AGPAT4: variants seen among roughly 807,000 people sequenced by gnomAD.
The protein encoded by AGPAT4 is 1-acyl-sn-glycerol-3-phosphate acyltransferase delta.
Under a neutral mutation model 48.0 loss-of-function variants are expected in AGPAT4, and 15 were observed. That is an observed-to-expected ratio of 0.31 (90% CI 0.21 to 0.48). The LOEUF (loss-of-function observed/expected upper bound fraction) is 0.48, where lower values mean the gene tolerates loss of function less well. AGPAT4 is among the 20% of genes least tolerant of loss of function. AGPAT4 has a pLI of 0.99. For synonymous variants in AGPAT4, 178 were observed against 198.7 expected (o/e 0.90, Z 0.88); for missense variants, 314 against 482.5 (o/e 0.65, Z 3.27).
intron 1 of AGPAT4, among the ~76,000 whole-genome samples, chr6:161,247,371 C>T (rs1782682196): frequency 6.6e-6 from 1 of 152,164 alleles, no homozygotes; most frequent in African/African-American, 2.4e-5. Flanking sequence ...ATTTTACCAC[C>T]TAGAACAGCT....
At chr6:161,182,453 A>T (rs1262285542) in intron 2 of AGPAT4, among the ~76,000 whole-genome samples, 2 of 128,744 alleles carry the variant, frequency 1.6e-5, no homozygotes, top group African/African-American at 3.1e-5. Context: ...TCCCAGTGTC[A>T]CCCTATCCCC....
In AGPAT4 at chr6:161,231,053, G is replaced by T. The variant is rs1782110161; in HGVS notation, c.178+983C>A. On this transcript the variant is annotated intron_variant, in intron 2 of 8. Transcript: ENST00000320285. The surrounding 1 kb of genome is among the most constrained non-coding windows in gnomAD (Gnocchi z 5.3). ...ATTGTCTTGATTCAAATTCAAATTT[G>T]ATCATTTTAAAGGGTATCAAAAATA... Among the ~76,000 whole-genome samples, 1 of 109,272 alleles carries T rather than the reference G, an allele frequency of 9.2e-6. No homozygotes were observed. Among genetic ancestry groups the T allele is most frequent in the Non-Finnish European group, 1.9e-5 (1 of 53,804 alleles). 71.7% of individuals were successfully genotyped at this position (109,272 alleles called of 152,430 possible). A position where few individuals can be genotyped will look rare whatever the true frequency, so the allele number is the denominator to read the frequency against.
chr6:161,168,422 C>G (rs1231178820), intron 2 of AGPAT4, among the ~76,000 whole-genome samples: 1 of 152,072 alleles, frequency 6.6e-6, no homozygotes, highest in African/African-American at 2.4e-5. Flanking sequence ...TGCCTAAGGC[C>G]ACTCTCACCG....
At chr6:161,260,099 C>T (rs950343115) in intron 1 of AGPAT4, among the ~76,000 whole-genome samples, 1 of 152,190 alleles carries the variant, frequency 6.6e-6, no homozygotes, top group Non-Finnish European at 1.5e-5. Context: ...CCAGCAGCCT[C>T]TCACTGCTTC....
At chr6:161,160,330 G>C (rs1191685129) in intron 3 of AGPAT4, 2 of 152,590 alleles carry the variant, frequency 1.3e-5, no homozygotes, top group African/African-American at 2.4e-5. Context: ...CTGATGCTGA[G>C]AGGAAAATGG....
chr6:161,161,776 C>T lies in AGPAT4; in HGVS notation c.348+4472G>A. 5 of 307,382 alleles carry T rather than the reference C, an allele frequency of 1.6e-5. No homozygotes were observed. The highest frequency in any genetic ancestry group is 3.2e-5 in the Non-Finnish European group (5 of 154,244). 19.0% of individuals were successfully genotyped at this position (307,382 alleles called of 1,614,324 possible). A position where few individuals can be genotyped will look rare whatever the true frequency, so the allele number is the denominator to read the frequency against. ...AGAGAAACCACACACAATCAACACT[C>T]ACTGGACACGTATTTTGAAGGTATA... is the stretch of plus-strand genomic sequence containing the variant. On this transcript the variant is annotated intron_variant, in intron 3 of 8. Transcript: ENST00000320285. This position sits in a 1 kb window ranked among gnomAD's most constrained non-coding sequence, Gnocchi z 4.6.
In AGPAT4 at chr6:161,219,697, T is replaced by C. The variant is rs1781751287; in HGVS notation, c.178+12339A>G. On this transcript the variant is annotated intron_variant, in intron 2 of 8. Coordinates refer to ENST00000320285, the MANE Select transcript of AGPAT4 (RefSeq NM_020133.3). This position sits in a 1 kb window ranked among gnomAD's most constrained non-coding sequence, Gnocchi z 4.9. ...CATTCATACAATTCAGTATCACATG[T>C]GTATTCCTAAACTTGCTGATTCTTT... Among the ~76,000 whole-genome samples the C allele has an allele frequency of 1.3e-5, 2 of 152,194 alleles. No individual in the cohort carries two copies. The highest frequency in any genetic ancestry group is 4.8e-5 in the African/African-American group (2 of 41,446).
At chr6:161,175,616 T>G (rs1460498117) in intron 2 of AGPAT4, among the ~76,000 whole-genome samples, 4 of 152,134 alleles carry the variant, frequency 2.6e-5, no homozygotes, top group African/African-American at 7.2e-5. Context: ...TTTTTAAGGG[T>G]TTTTTGTGTC....
intron 2 of AGPAT4, among the ~76,000 whole-genome samples, chr6:161,205,694 T>TGAAGGGAACTCAATTCTAA (rs11269660): frequency 5.3e-5 from 8 of 151,704 alleles, no homozygotes; most frequent in Non-Finnish European, 1.2e-4. Flanking sequence ...AACACCAAGT[T>TGAAGGGAACTCAATTCTAA]GAAACAGATC....
At chr6:161,203,858 T>C (rs1781310255) in intron 2 of AGPAT4, among the ~76,000 whole-genome samples, 1 of 152,200 alleles carries the variant, frequency 6.6e-6, no homozygotes, top group Non-Finnish European at 1.5e-5. Context: ...TTGTAGAGTT[T>C]TTGTTGGTTG....
chr6:161,173,427 C>A (rs1156853612), intron 2 of AGPAT4, among the ~76,000 whole-genome samples: 1 of 152,206 alleles, frequency 6.6e-6, no homozygotes, highest in African/African-American at 2.4e-5. Context: ...TGTCTGTTGG[C>A]TGTATAAATG....
Position 161,155,465 on chromosome 6 carries a change from C to T in AGPAT4, c.349-1155G>A, listed in dbSNP as rs951607282. On this transcript the variant is annotated intron_variant, in intron 3 of 8. Coordinates refer to ENST00000320285, the MANE Select transcript of AGPAT4 (RefSeq NM_020133.3). This position sits in a 1 kb window ranked among gnomAD's most constrained non-coding sequence, Gnocchi z 5.8. ...CCTCCCCGTTACACCCATGCCTCTC[C>T]GCAGCTCCAGCTCAGCACAGGGTCA... is the stretch of plus-strand genomic sequence containing the variant. Among the ~76,000 whole-genome samples the T allele has an allele frequency of 3.9e-5, 6 of 152,230 alleles. No individual in the cohort carries two copies. Among genetic ancestry groups the T allele is most frequent in the African/African-American group, 9.6e-5 (4 of 41,548 alleles).
At position 161,184,814 on chromosome 6, in the gene AGPAT4, A is replaced by G. The variant is rs1780722097; in HGVS notation, c.179-18397T>C. The stretch of plus-strand genomic sequence containing the variant: ...GTAGCCATAAATACCATCAGCCCTT[A>G]GATTTTGTTCTCTAAACACCGTACC... On this transcript the variant is annotated intron_variant, in intron 2 of 8. Transcript: ENST00000320285. This position sits in a 1 kb window ranked among gnomAD's most constrained non-coding sequence, Gnocchi z 4.8. Among the ~76,000 whole-genome samples the G allele has an allele frequency of 6.6e-6, 1 of 152,174 alleles. No homozygotes were observed. The highest frequency in any genetic ancestry group is 2.4e-5 in the African/African-American group (1 of 41,436).
At position 161,248,138 on chromosome 6, in the gene AGPAT4, C is replaced by T. The variant is rs372231999; in HGVS notation, c.-89-15836G>A. The stretch of plus-strand genomic sequence containing the variant: ...GAAAACCCCAGTCTCAGCCCAAAAG[C>T]TCCTCAAGCTGATAAACAACTTCAG... On this transcript the variant is annotated intron_variant, in intron 1 of 8. Coordinates refer to ENST00000320285, the MANE Select transcript of AGPAT4 (RefSeq NM_020133.3). Among the ~76,000 whole-genome samples the T allele has an allele frequency of 7.2e-5, 11 of 152,136 alleles. No individual in the cohort carries two copies. In the South Asian group the frequency reaches 1.9e-3, roughly 26 times the overall value.
chr6:161,236,350 G>T lies in AGPAT4; in HGVS notation c.-89-4048C>A, dbSNP rs890001112. On this transcript the variant is annotated intron_variant, in intron 1 of 8. Coordinates refer to ENST00000320285, the MANE Select transcript of AGPAT4 (RefSeq NM_020133.3). The surrounding 1 kb of genome is among the most constrained non-coding windows in gnomAD (Gnocchi z 5.0). The stretch of plus-strand genomic sequence containing the variant: ...CTTGACAAAGTAAAGATGATGTATT[G>T]CCTTTTTCTGGGTTTTGGTACTCAT... Among the ~76,000 whole-genome samples, 2 of 152,078 alleles carry T rather than the reference G, an allele frequency of 1.3e-5. No individual in the cohort carries two copies. Among genetic ancestry groups the T allele is most frequent in the African/African-American group, 2.4e-5 (1 of 41,404 alleles).
chr6:161,229,465 T>C lies in AGPAT4; in HGVS notation c.178+2571A>G, dbSNP rs1782066973. 6.6e-6 allele frequency among the ~76,000 whole-genome samples: 1 copy of C among 152,100 alleles called. No homozygotes were observed. The highest frequency in any genetic ancestry group is 2.1e-4 in the South Asian group (1 of 4,824). On this transcript the variant is annotated intron_variant, in intron 2 of 8. Coordinates refer to ENST00000320285, the MANE Select transcript of AGPAT4 (RefSeq NM_020133.3). This position sits in a 1 kb window ranked among gnomAD's most constrained non-coding sequence, Gnocchi z 6.0. The stretch of plus-strand genomic sequence containing the variant: ...TGGCTGATCAGTGGCCCAGCAAGGC[T>C]TCCTAAACACTCTTTTTACATGGCC...
In AGPAT4 at chr6:161,246,598, G is replaced by A. The variant is rs13213388; in HGVS notation, c.-89-14296C>T. On this transcript the variant is annotated intron_variant, in intron 1 of 8. Transcript: ENST00000320285. The surrounding 1 kb of genome is among the most constrained non-coding windows in gnomAD (Gnocchi z 5.5). ...CTAATTTTGTATTTTTAGTCTAGATGGGGTTTCTCCATGTTGGTCAGGCTG... is the reference window on the plus strand; with the variant it reads ...CTAATTTTGTATTTTTAGTCTAGATAGGGTTTCTCCATGTTGGTCAGGCTG... Among the ~76,000 whole-genome samples, 29,585 of 151,960 alleles carry A rather than the reference G, an allele frequency of 0.19. 3,099 individuals are homozygous for A. The highest frequency in any genetic ancestry group is 0.31 in the Admixed American group (4,782 of 15,270).
At chr6:161,239,662 C>T (rs1782424427) in intron 1 of AGPAT4, among the ~76,000 whole-genome samples, 1 of 152,162 alleles carries the variant, frequency 6.6e-6, no homozygotes, top group South Asian at 2.1e-4. Context: ...GCTCTTTTGA[C>T]CTCAAAATCC....
chr6:161,213,386 C>T (rs1781567467), intron 2 of AGPAT4, among the ~76,000 whole-genome samples: 1 of 152,206 alleles, frequency 6.6e-6, no homozygotes, highest in Non-Finnish European at 1.5e-5. Context: ...TGCTTCAAAA[C>T]TATAGTACAC....
Sources: gnomAD v4.1 joint callset for allele counts (sites outside exome capture counted in the v4.1 genomes callset) on GRCh38, gnomAD v4.1.1 for gene constraint, Gnocchi (gnomAD v3.1) non-coding constraint, MANE v1.5 for transcripts, NCBI Gene and HGNC (gene_info 2026-07-23, HGNC 2026-07-21) for gene names.